TESMIN: variants seen among roughly 807,000 people sequenced by gnomAD.
TESMIN encodes the protein testis expressed metallothionein like protein, also known as CXC domain containing 2.
In TESMIN, 34 loss-of-function variants were observed where a neutral mutation model predicts 47.4. That is an observed-to-expected ratio of 0.72 (90% CI 0.55 to 0.96). The LOEUF is 0.96. Among genes scored for constraint, TESMIN ranks in the 40% least tolerant of loss-of-function variants. TESMIN has a pLI of 0.00. For synonymous variants in TESMIN, 278 were observed against 258.9 expected, an observed-to-expected ratio of 1.07 and a Z score of -0.71; for missense variants, 610 against 637.2, an observed-to-expected ratio of 0.96 and a Z score of 0.46.
At chr11:68,717,170 TA>T (rs1179899355) in intron 6 of TESMIN, among the ~76,000 whole-genome samples, 1 of 152,258 alleles carries the variant, frequency 6.6e-6, no homozygotes, top group African/African-American at 2.4e-5. Context: ...ATTATTTTCA[TA>T]TTTTAAAATA....
At chr11:68,751,220 G>A (rs1946603446) in intron 1 of TESMIN, among the ~76,000 whole-genome samples, 200 bp downstream of exon 1, 1 of 134,858 alleles carries the variant, frequency 7.4e-6, no homozygotes, top group Non-Finnish European at 1.6e-5. Flanking sequence ...AGGGGCGGCC[G>A]AGGAGGGGGT....
chr11:68,712,926 C>T (rs765775897), intron 8 of TESMIN, among the ~76,000 whole-genome samples: 22 of 152,238 alleles, frequency 1.4e-4, no homozygotes, highest in Non-Finnish European at 1.6e-4. Context: ...GGAAGAGGCG[C>T]GGCTGCCCTC....
At chr11:68,736,355 T>A (rs1946387104) in intron 6 of TESMIN, 5 of 985,370 alleles carry the variant, frequency 5.1e-6, no homozygotes, top group Non-Finnish European at 6.0e-6. Context: ...TCGGGTCAGC[T>A]CGCACACTCA....
chr11:68,741,257 A>C (rs1026937528), intron 5 of TESMIN, among the ~76,000 whole-genome samples: 2 of 152,040 alleles, frequency 1.3e-5, no homozygotes, highest in African/African-American at 4.8e-5. Context: ...AGCTCACACT[A>C]TCCCAGGCCC....
intron 6 of TESMIN, among the ~76,000 whole-genome samples, chr11:68,728,105 A>G (rs1946285905): frequency 6.6e-6 from 1 of 152,232 alleles, no homozygotes; most frequent in Admixed American, 6.5e-5. Flanking sequence ...ATGGCCTCTA[A>G]GTGTTCAAGA....
Position 68,737,101 on chromosome 11 carries a change from T to C in TESMIN, c.917+1599A>G, listed in dbSNP as rs1415992052. 4.1e-6 allele frequency: 4 copies of C among 985,420 alleles called. No individual in the cohort carries two copies. In the East Asian group the frequency reaches 4.5e-4, roughly 112 times the overall value. The allele number at this position is 985,420 out of a possible 1,614,324, so 61.0% of individuals were successfully genotyped here. ...TGAGTATCTTCAGAACTGTAGCCTT[T>C]TAGATCATCCTGTGTAATGTATCAG... On this transcript the variant is annotated intron_variant, in intron 6 of 9. Transcript: ENST00000255087.
chr11:68,746,877 C>T (rs1314386080), intron 3 of TESMIN, among the ~76,000 whole-genome samples: 4 of 152,168 alleles, frequency 2.6e-5, no homozygotes, highest in East Asian at 1.9e-4. Context: ...GCCACAGGAC[C>T]GTGCCCCACA....
rs566872103 is a variant in TESMIN, at chr11:68,741,348, G to A, written c.828+970C>T. On this transcript the variant is annotated intron_variant, in intron 5 of 9. Transcript: ENST00000255087. The stretch of plus-strand genomic sequence containing the variant: ...GATGTTCCACAGCTTGCTTCACAGA[G>A]CTCATTCCCTCATCTCTTTAAAGGC... Among the ~76,000 whole-genome samples the A allele has an allele frequency of 3.9e-5, 6 of 152,298 alleles. No individual in the cohort carries two copies. In the East Asian group the frequency reaches 1.2e-3, roughly 29 times the overall value.
chr11:68,716,566 C>T (rs1946141928), intron 6 of TESMIN, among the ~76,000 whole-genome samples: 1 of 152,238 alleles, frequency 6.6e-6, no homozygotes, highest in African/African-American at 2.4e-5. Context: ...GTGGACACCA[C>T]CATGCCCTGT....
At chr11:68,707,056 G>A (rs964938774), downstream of TESMIN, among the ~76,000 whole-genome samples, 1 of 152,236 alleles carries the variant, frequency 6.6e-6, no homozygotes, top group African/African-American at 2.4e-5. Flanking sequence ...AGGGTTCCAC[G>A]TCTCACAATG....
intron 6 of TESMIN, among the ~76,000 whole-genome samples, chr11:68,716,270 A>G (rs992604503): frequency 6.6e-6 from 1 of 152,236 alleles, no homozygotes; most frequent in Non-Finnish European, 1.5e-5. Context: ...CAGGAGCGCA[A>G]TAAGTTTGGT....
At chr11:68,711,138 C>T (rs571675241) in intron 8 of TESMIN, 89 bp from the exon 9 acceptor site, 42 of 1,160,554 alleles carry the variant, frequency 3.6e-5, no homozygotes, top group African/African-American at 3.1e-4. Flanking sequence ...AATAATTCTT[C>T]GCGTATATTT....
chr11:68,723,104 AAATT>A (rs1277889971), intron 6 of TESMIN, among the ~76,000 whole-genome samples: 4 of 152,188 alleles, frequency 2.6e-5, no homozygotes, highest in Admixed American at 2.6e-4. Flanking sequence ...CATGTTTTTC[AAATT>A]AATATAGAAT....
At chr11:68,738,665 C>T (rs1185723930) in intron 6 of TESMIN, 35 bp downstream of exon 6, 35 of 1,612,078 alleles carry the variant, frequency 2.2e-5, no homozygotes, top group Non-Finnish European at 2.5e-5. Context: ...TAAATTATTA[C>T]ATTAGAGTGA....
Position 68,750,621 on chromosome 11 carries a change from C to T in TESMIN, c.40G>A (p.Glu14Lys), listed in dbSNP as rs1566330040. 6.3e-7 allele frequency: 1 copy of T among 1,582,896 alleles called. No homozygotes were observed. Among genetic ancestry groups the T allele is most frequent in the South Asian group, 1.1e-5 (1 of 87,728 alleles). The change falls in exon 2 of 10, where the codon GAG becomes AAG. Residue 14 changes from glutamate (E) to lysine (K), a missense_variant. Coordinates refer to ENST00000255087, the MANE Select transcript of TESMIN (RefSeq NM_004923.3). ...AAGAGCTCCGTCACCATCGCATCCT[C>T]GGGGCTGGGCAGCCCGCCCGGCAGA... is the stretch of plus-strand genomic sequence containing the variant. ...GPLPGGLPSP[E>K]DAMVTELLSP...
intron 5 of TESMIN, among the ~76,000 whole-genome samples, chr11:68,741,232 C>A (rs532804681): frequency 6.6e-6 from 1 of 152,276 alleles, no homozygotes; most frequent in South Asian, 2.1e-4. Flanking sequence ...GACTTCCTCC[C>A]TGCCCTGCTC....
intron 2 of TESMIN, among the ~76,000 whole-genome samples, chr11:68,747,931 G>A (rs975787610): frequency 3.9e-5 from 6 of 152,076 alleles, no homozygotes; most frequent in East Asian, 1.9e-4. Context: ...AAGAATCCTC[G>A]TGGTTAAAAA....
At chr11:68,749,891 C>T (rs1280457660) in intron 2 of TESMIN, among the ~76,000 whole-genome samples, 2 of 152,198 alleles carry the variant, frequency 1.3e-5, no homozygotes, top group Admixed American at 6.5e-5. Context: ...AGGGAACCTA[C>T]GTCCTAGCTT....
At chr11:68,709,494 C>T (rs745425601) in intron 9 of TESMIN, among the ~76,000 whole-genome samples, 23 of 152,208 alleles carry the variant, frequency 1.5e-4, no homozygotes, top group East Asian at 1.9e-4. Flanking sequence ...CAAGTTGAAC[C>T]GCATCACATA....
Sources: allele counts gnomAD v4.1 joint callset (sites outside exome capture counted in the v4.1 genomes callset), GRCh38; gene constraint gnomAD v4.1.1; transcripts MANE v1.5; gene names NCBI Gene and HGNC (gene_info 2026-07-23, HGNC 2026-07-21).